SP3: variants seen among roughly 807,000 people sequenced by gnomAD.
The protein encoded by SP3 is Sp3 transcription factor, also known as transcription factor Sp3.
A neutral mutation model predicts 70.3 loss-of-function variants in SP3; 10 were observed. That is an observed-to-expected ratio of 0.14 (90% confidence interval 0.09 to 0.24). The LOEUF is 0.24. Ranked by LOEUF, SP3 falls within the 10% of genes least tolerant of loss-of-function variation. The pLI is 1.00. For missense variants in SP3, 825 were observed against 914.6 expected, an observed-to-expected ratio of 0.90 and a Z score of 1.26; for synonymous variants, 402 against 333.5, an observed-to-expected ratio of 1.21 and a Z score of -2.24.
chr2:173,961,222 G>C (rs1022184236), intron 3 of SP3, among the ~76,000 whole-genome samples: 1 of 152,164 alleles, frequency 6.6e-6, no homozygotes, highest in Non-Finnish European at 1.5e-5. Flanking sequence ...ACTGCTTTAT[G>C]ACTAGACTTC....
At chr2:173,964,328 G>A (rs1224828770) in intron 2 of SP3, 77 bp downstream of exon 2, 2 of 624,812 alleles carry the variant, frequency 3.2e-6, no homozygotes, top group African/African-American at 3.9e-5. Flanking sequence ...GGGGTGAGGC[G>A]AGGAGGGAGG....
rs1250142347 is a variant in SP3 at position 173,907,770 on chromosome 2, G to GA, written c.*2170dup. On this transcript the variant is annotated 3_prime_UTR_variant, in exon 7 of 7. Transcript: ENST00000310015. ...TAAAAATTCTAAAAATTACCTAAAGGATTTTAAGATTCAAAATCTAATCCC... is the reference window on the plus strand; with the variant it reads ...TAAAAATTCTAAAAATTACCTAAAGGAATTTTAAGATTCAAAATCTAATCCC... 6.6e-6 allele frequency: 1 copy of GA among 151,990 alleles called. No homozygotes were observed. Among genetic ancestry groups the GA allele is most frequent in the African/African-American group, 2.4e-5 (1 of 41,384 alleles). The allele number at this position is 151,990 out of a possible 1,614,324, so 9.4% of individuals were successfully genotyped here. A position where few individuals can be genotyped will look rare whatever the true frequency, so the allele number is the denominator to read the frequency against.
At chr2:173,947,985 G>A (rs1690595746) in intron 4 of SP3, among the ~76,000 whole-genome samples, 1 of 152,000 alleles carries the variant, frequency 6.6e-6, no homozygotes, top group Non-Finnish European at 1.5e-5. Context: ...CTGCATCATC[G>A]TCTCATCTCC....
rs183643833 is a variant in SP3 at position 173,943,860 on chromosome 2, T to C, written c.1639+11013A>G. The stretch of plus-strand genomic sequence containing the variant: ...TCATCACTGTACAAACATCACAGTC[T>C]TTCTTACACAAACCTAGTGGTATAG... On this transcript the variant is annotated intron_variant, in intron 4 of 6. Transcript: ENST00000310015. 6.2e-4 allele frequency among the ~76,000 whole-genome samples: 95 copies of C among 152,338 alleles called. No homozygotes were observed. In the South Asian group the frequency reaches 0.017, roughly 27 times the overall value.
chr2:173,942,066 C>G (rs1016972267), intron 4 of SP3, among the ~76,000 whole-genome samples: 1 of 152,156 alleles, frequency 6.6e-6, no homozygotes, highest in Non-Finnish European at 1.5e-5. Flanking sequence ...ATATGATTTC[C>G]CAAGTTCTTC....
At position 173,903,750 on chromosome 2, in the gene SP3, G is replaced by A. The variant is rs565098832; in HGVS notation, c.*6191C>T. On this transcript the variant is annotated 3_prime_UTR_variant, in exon 7 of 7. Coordinates refer to ENST00000310015, the MANE Select transcript of SP3 (RefSeq NM_003111.5). ...AGATACAGCCATCTGTTAAGAGGGCGTCCTGAAACTGTAGAGGGACTTCTA... is the reference window on the plus strand; with the variant it reads ...AGATACAGCCATCTGTTAAGAGGGCATCCTGAAACTGTAGAGGGACTTCTA... Among the ~76,000 whole-genome samples the A allele has an allele frequency of 3.3e-5, 5 of 152,230 alleles. No homozygotes were observed. The highest frequency in any genetic ancestry group is 1.9e-4 in the East Asian group (1 of 5,178).
At chr2:173,951,751 C>T (rs1690717052) in intron 4 of SP3, among the ~76,000 whole-genome samples, 1 of 152,212 alleles carries the variant, frequency 6.6e-6, no homozygotes, top group Non-Finnish European at 1.5e-5. Context: ...AATGTGGAAT[C>T]TGACACTACC....
intron 4 of SP3, among the ~76,000 whole-genome samples, chr2:173,950,319 TAA>T (rs59056112): frequency 2.8e-5 from 4 of 144,708 alleles, no homozygotes; most frequent in African/African-American, 2.5e-5. Context: ...AGCCCTGGTT[TAA>T]AAAAAAAAAA....
chr2:173,946,218 T>C (rs1218061555), intron 4 of SP3, among the ~76,000 whole-genome samples: 2 of 152,168 alleles, frequency 1.3e-5, no homozygotes, highest in Non-Finnish European at 2.9e-5. Context: ...GTGTTCATAA[T>C]TGCTAAAGCT....
chr2:173,916,029 C>T (rs1444916346), intron 5 of SP3: 3 of 152,040 alleles, frequency 2.0e-5, no homozygotes, highest in Admixed American at 1.3e-4. Context: ...TCTGTATCAA[C>T]TTGCAGAATA....
chr2:173,939,560 T>C (rs1487559987), intron 4 of SP3, among the ~76,000 whole-genome samples: 2 of 151,964 alleles, frequency 1.3e-5, no homozygotes, highest in Admixed American at 1.3e-4. Context: ...GGTCAGGAGT[T>C]TGATAACAGC....
chr2:173,952,798 C>T (rs1343862602), intron 4 of SP3, among the ~76,000 whole-genome samples: 2 of 152,276 alleles, frequency 1.3e-5, no homozygotes, highest in South Asian at 2.1e-4. Flanking sequence ...AGAAACCAAA[C>T]ACCAAAGGCC....
At chr2:173,927,071 G>T (rs1689934604) in intron 4 of SP3, among the ~76,000 whole-genome samples, 1 of 152,026 alleles carries the variant, frequency 6.6e-6, no homozygotes, top group Admixed American at 6.6e-5. Context: ...AGGGCAGCAA[G>T]AGGGTGGCAA....
intron 2 of SP3, 130 bp from the exon 3 acceptor site, chr2:173,964,013 T>TCTCCTCCTCCTCCTC (rs533817433): frequency 6.4e-6 from 3 of 466,200 alleles, no homozygotes; most frequent in African/African-American, 2.1e-5. Context: ...CAGCCCGCGC[T>TCTCCTCCTCCTCCTC]CTCCTCCTCC....
chr2:173,951,596 C>T (rs181187866), intron 4 of SP3, among the ~76,000 whole-genome samples: 8 of 152,236 alleles, frequency 5.3e-5, no homozygotes, highest in East Asian at 1.9e-4. Context: ...CAATATGGTT[C>T]GGGCTGAACC....
intron 6 of SP3, among the ~76,000 whole-genome samples, chr2:173,911,441 T>C (rs1386226553): frequency 6.6e-6 from 1 of 152,212 alleles, no homozygotes; most frequent in Non-Finnish European, 1.5e-5. Flanking sequence ...GTTTCTCTTG[T>C]AACATTAGTC....
At chr2:173,938,676 C>T (rs1431448273) in intron 4 of SP3, among the ~76,000 whole-genome samples, 1 of 151,828 alleles carries the variant, frequency 6.6e-6, no homozygotes, top group African/African-American at 2.4e-5. Context: ...AGGACAAGTG[C>T]TATTAAACAA....
chr2:173,965,246 G>C lies in SP3; in HGVS notation c.-75C>G, dbSNP rs1015993988. On this transcript the variant is annotated 5_prime_UTR_variant, in exon 1 of 7. Coordinates refer to ENST00000310015, the MANE Select transcript of SP3 (RefSeq NM_003111.5). ...TGAGGAGCGAAGGCGGCGGCGGCGG[G>C]AGAGGATGCGGGAAGCGGCGGCGGA... is the stretch of plus-strand genomic sequence containing the variant. The C allele has an allele frequency of 2.0e-6, 3 of 1,515,356 alleles. No individual in the cohort carries two copies. Among genetic ancestry groups the C allele is most frequent in the Non-Finnish European group, 1.8e-6 (2 of 1,118,740 alleles). The allele number at this position is 1,515,356 out of a possible 1,614,324, so 93.9% of individuals were successfully genotyped here.
rs191686758 is a variant in SP3, at chr2:173,940,886, G to C, written c.1639+13987C>G. Among the ~76,000 whole-genome samples, 446 of 152,114 alleles carry C rather than the reference G, an allele frequency of 2.9e-3. 2 individuals are homozygous for C. The highest frequency in any genetic ancestry group is 0.01 in the African/African-American group (421 of 41,498). ...ATCTTATCTTCCAATCAACATATCT[G>C]TATCTCTGAATGTCTATCCAATGCC... On this transcript the variant is annotated intron_variant, in intron 4 of 6. Coordinates refer to ENST00000310015, the MANE Select transcript of SP3 (RefSeq NM_003111.5).
Sources: allele counts gnomAD v4.1 joint callset (sites outside exome capture counted in the v4.1 genomes callset), GRCh38; gene constraint gnomAD v4.1.1; transcripts MANE v1.5; gene names NCBI Gene and HGNC (gene_info 2026-07-23, HGNC 2026-07-21).